Variants in PUDP observed in about 807,000 individuals in gnomAD.
The protein encoded by PUDP is pseudouridine 5'-phosphatase, also known as pseudouridine-5'-phosphatase.
Under a neutral mutation model 9.4 loss-of-function variants are expected in PUDP, and 8 were observed. The observed-to-expected ratio is 0.85, with a 90% confidence interval of 0.50 to 1.53. PUDP has a LOEUF of 1.53. Among genes scored for constraint, PUDP ranks in the 40% most tolerant of loss-of-function variants. The probability of loss-of-function intolerance (pLI) is 0.00; values close to 1 mark genes in which losing one functional copy is unlikely to be tolerated. For missense variants in PUDP, 188 were observed against 189.7 expected (o/e 0.99, Z 0.05); for synonymous variants, 99 against 80.7 (o/e 1.23, Z -1.22).
chrX:6,805,943 T>C (rs1455735574), intron 3 of PUDP, among the ~76,000 whole-genome samples: 1 of 111,938 alleles, frequency 8.9e-6, no homozygotes, highest in Non-Finnish European at 1.9e-5. Context: ...CACATTTAAA[T>C]GATCATTTGG....
intron 3 of PUDP, among the ~76,000 whole-genome samples, chrX:6,962,783 C>A (rs986076198): frequency 8.9e-6 from 1 of 112,647 alleles, no homozygotes; most frequent in Non-Finnish European, 1.9e-5. Context: ...GTGAATAAAT[C>A]TAGAGTTTCA....
intron 3 of PUDP, among the ~76,000 whole-genome samples, chrX:6,970,659 G>C (rs750053455): frequency 5.4e-5 from 6 of 111,593 alleles, no homozygotes; most frequent in African/African-American, 2.0e-4. Context: ...ACAGACTTTC[G>C]GGATCTCATT....
intron 3 of PUDP, among the ~76,000 whole-genome samples, chrX:6,762,133 A>G (rs772531679): frequency 8.4e-4 from 94 of 111,760 alleles, no homozygotes; most frequent in Admixed American, 2.2e-3. Context: ...TCGAAGCTGC[A>G]GTAAGCCGAG....
intron 3 of PUDP, among the ~76,000 whole-genome samples, chrX:6,854,825 G>T (rs1569111501): frequency 9.2e-6 from 1 of 108,992 alleles, no homozygotes; most frequent in Non-Finnish European, 1.9e-5. Flanking sequence ...GCTGTCAGAG[G>T]GGTGCAGAGG....
intron 3 of PUDP, among the ~76,000 whole-genome samples, chrX:6,786,724 C>A (rs1266004599): frequency 8.9e-6 from 1 of 111,866 alleles, no homozygotes; most frequent in East Asian, 2.8e-4. Context: ...TCCATATGAA[C>A]TTTCCTGCCT....
At chrX:6,876,956 C>T (rs1282256479) in intron 3 of PUDP, among the ~76,000 whole-genome samples, 2 of 102,716 alleles carry the variant, frequency 1.9e-5, no homozygotes, top group Admixed American at 1.1e-4. Context: ...TGTGTACACA[C>T]ACACACACAC....
chrX:6,853,691 A>G (rs919510537), intron 3 of PUDP, among the ~76,000 whole-genome samples: 1 of 111,627 alleles, frequency 9.0e-6, no homozygotes, highest in African/African-American at 3.3e-5. Context: ...AGATTTGTCA[A>G]TTATAGATAT....
intron 3 of PUDP, among the ~76,000 whole-genome samples, chrX:6,836,715 T>C (rs1926588144): frequency 9.0e-6 from 1 of 110,989 alleles, no homozygotes; most frequent in African/African-American, 3.3e-5. Flanking sequence ...CCTCCACACA[T>C]CAAGACTCTT....
chrX:6,815,919 C>A (rs935469810), intron 3 of PUDP, among the ~76,000 whole-genome samples: 4 of 107,883 alleles, frequency 3.7e-5, no homozygotes, highest in African/African-American at 1.3e-4. Context: ...GCCATTTAAA[C>A]CCATATATAT....
chrX:6,870,828 T>G (rs1193290146), intron 3 of PUDP, among the ~76,000 whole-genome samples: 1 of 111,725 alleles, frequency 9.0e-6, no homozygotes, highest in Admixed American at 9.5e-5. Context: ...ATAAATTTGC[T>G]GCTATTTTCA....
At chrX:6,748,952 A>G (rs1456755823) in intron 3 of PUDP, among the ~76,000 whole-genome samples, 1 of 111,108 alleles carries the variant, frequency 9.0e-6, no homozygotes, top group African/African-American at 3.3e-5. Flanking sequence ...GGCGATAAAG[A>G]AGAGAAAGGA....
chrX:7,064,327 G>A (rs1302782145), intron 3 of PUDP, among the ~76,000 whole-genome samples: 1 of 111,650 alleles, frequency 9.0e-6, no homozygotes, highest in East Asian at 2.8e-4. Flanking sequence ...GATGTCTACT[G>A]AATAAATAAT....
In PUDP at chrX:7,020,217, A is replaced by T. The variant is rs1929612280; in HGVS notation, c.205-41874T>A. 2.7e-5 allele frequency among the ~76,000 whole-genome samples: 3 copies of T among 110,700 alleles called. No individual in the cohort carries two copies. In the Admixed American group the frequency reaches 2.9e-4, roughly 11 times the overall value. On this transcript the variant is annotated intron_variant and NMD_transcript_variant, in intron 1 of 3. Transcript: ENST00000655425. ...AGAAGATGGTTTCCATTTGAATGGGATGCCACCATGTTGAGCCAGGAAATA... is the reference window on the plus strand; with the variant it reads ...AGAAGATGGTTTCCATTTGAATGGGTTGCCACCATGTTGAGCCAGGAAATA...
At chrX:6,866,520 TA>T (rs1165584800) in intron 3 of PUDP, among the ~76,000 whole-genome samples, 1 of 111,273 alleles carries the variant, frequency 9.0e-6, no homozygotes, top group African/African-American at 3.3e-5. Flanking sequence ...CTGCGCCCTG[TA>T]ACAAGTGAGC....
chrX:7,143,884 T>G (rs1932821934), intron 1 of PUDP, among the ~76,000 whole-genome samples: 1 of 111,580 alleles, frequency 9.0e-6, no homozygotes, highest in Non-Finnish European at 1.9e-5. Context: ...AGCCATCTCC[T>G]TTGCAAACGT....
Position 6,900,591 on chromosome X carries a change from AAGAG to A in PUDP, c.*247+76538_*247+76541del, listed in dbSNP as rs779020790. Among the ~76,000 whole-genome samples the A allele has an allele frequency of 1.2e-4, 10 of 80,222 alleles. No individual in the cohort carries two copies. In the East Asian group the frequency reaches 2.7e-3, roughly 21 times the overall value. 69.7% of individuals were successfully genotyped at this position (80,222 alleles called of 115,157 possible). A position where few individuals can be genotyped will look rare whatever the true frequency, so the allele number is the denominator to read the frequency against. ...AGAGAGGGAGACGGAGAGGGAGAGAAAGAGAGAGAGAGAGAGAGAATGCTAACAG... is the reference window on the plus strand; with the variant it reads ...AGAGAGGGAGACGGAGAGGGAGAGAAAGAGAGAGAGAGAGAATGCTAACAG... On this transcript the variant is annotated intron_variant and NMD_transcript_variant, in intron 3 of 3. Transcript: ENST00000655425.
chrX:6,926,202 T>C (rs1928098668), intron 3 of PUDP, among the ~76,000 whole-genome samples: 1 of 111,557 alleles, frequency 9.0e-6, no homozygotes, highest in African/African-American at 3.3e-5. Context: ...TAGGACACCA[T>C]GCTCTTTTCC....
In PUDP at chrX:7,050,450, G is replaced by A. The variant is rs770113328; in HGVS notation, c.533C>T (p.Pro178Leu). 3 of 1,210,975 alleles carry A rather than the reference G, an allele frequency of 2.5e-6. No individual in the cohort carries two copies. Among genetic ancestry groups the A allele is most frequent in the Non-Finnish European group, 2.2e-6 (2 of 894,876 alleles). ...TGCCAGGGCCGCCTCCACCCCATTGGGAGCATCTTCAAAGACAAGGCACTG... is the reference window on the plus strand; with the variant it reads ...TGCCAGGGCCGCCTCCACCCCATTGAGAGCATCTTCAAAGACAAGGCACTG... ...MEKCLVFEDAPNGVEAALAAG... is the reference protein window; with the variant it reads ...MEKCLVFEDALNGVEAALAAG... Residue 178 changes from proline (P) to leucine (L), a missense_variant, in exon 4 of 4, where the codon CCC becomes CTC. Transcript: ENST00000381077.
At chrX:6,908,405 G>C (rs1383855807) in intron 3 of PUDP, among the ~76,000 whole-genome samples, 3 of 112,158 alleles carry the variant, frequency 2.7e-5, no homozygotes, top group Non-Finnish European at 5.6e-5. Flanking sequence ...TTGCTAGAAA[G>C]ATGCACAAAG....
Sources: gnomAD v4.1 joint callset for allele counts (sites outside exome capture counted in the v4.1 genomes callset) on GRCh38, gnomAD v4.1.1 for gene constraint, MANE v1.5 for transcripts, NCBI Gene and HGNC (gene_info 2026-07-23, HGNC 2026-07-21) for gene names.